Variants in IFT52 observed in about 807,000 individuals in gnomAD.
IFT52 encodes the protein intraflagellar transport protein 52 homolog.
IFT52 carries 44 observed loss-of-function variants against 54.4 expected under a neutral mutation model. The observed-to-expected ratio is 0.81, with a 90% CI of 0.63 to 1.04. The LOEUF (loss-of-function observed/expected upper bound fraction) is 1.04, where lower values mean the gene tolerates loss of function less well. Ranked by LOEUF, IFT52 falls within the 50% of genes least tolerant of loss-of-function variation. IFT52 has a pLI of 0.00. For missense variants in IFT52, 452 were observed against 523.6 expected (o/e 0.86, Z 1.33); for synonymous variants, 181 against 185.3 (o/e 0.98, Z 0.19).
chr20:43,623,881 T>A lies in IFT52; in HGVS notation c.769-10T>A. 21 of 1,613,570 alleles carry A rather than the reference T, an allele frequency of 1.3e-5. No individual in the cohort carries two copies. The highest frequency in any genetic ancestry group is 1.8e-5 in the Non-Finnish European group (21 of 1,179,674). ...TGCTGTGCTAAAAGGAACCCTCTTG[T>A]GGCTTTCAGATTTCTGACTACATGA... On this transcript the variant is annotated splice_polypyrimidine_tract_variant and intron_variant, in intron 9 of 13. Transcript: ENST00000373030.
At position 43,597,140 on chromosome 20, in the gene IFT52, G is replaced by T. The variant is rs1982037538; in HGVS notation, c.207+618G>T. Among the ~76,000 whole-genome samples, 9 of 152,034 alleles carry T rather than the reference G, an allele frequency of 5.9e-5. 1 individual carries two copies. The South Asian group carries it at 1.9e-3, about 32-fold the overall frequency. On this transcript the variant is annotated intron_variant, in intron 3 of 13. Coordinates refer to ENST00000373030, the MANE Select transcript of IFT52 (RefSeq NM_016004.5). ...TAATCCCAACACTTTGGGAGGCCGA[G>T]GCAGGCAGATCACCTGAGGTCGGGA...
intron 8 of IFT52, among the ~76,000 whole-genome samples, chr20:43,619,959 C>G (rs1358675718): frequency 1.4e-5 from 2 of 146,286 alleles, no homozygotes; most frequent in African/African-American, 2.6e-5. Context: ...GTCTGTCACC[C>G]AGGCTGGAGT....
chr20:43,634,942 G>A (rs1387919450), intron 10 of IFT52, among the ~76,000 whole-genome samples: 2 of 151,978 alleles, frequency 1.3e-5, no homozygotes, highest in East Asian at 1.9e-4. Flanking sequence ...AGACTGAGGC[G>A]GGTGGATCAC....
chr20:43,609,399 A>G (rs1450333171), intron 6 of IFT52, among the ~76,000 whole-genome samples: 1 of 152,224 alleles, frequency 6.6e-6, no homozygotes, highest in Non-Finnish European at 1.5e-5. Context: ...AATTCTGGGT[A>G]AACATTTGGA....
rs1985987213 is a variant in IFT52, at chr20:43,642,558, A to G, written c.1200A>G (p.Gln400=). 6.2e-7 allele frequency: 1 copy of G among 1,614,212 alleles called. No individual in the cohort carries two copies. Among genetic ancestry groups the G allele is most frequent in the East Asian group, 2.2e-5 (1 of 44,886 alleles). The change falls in exon 13 of 14, where the codon CAA becomes CAG. Residue 400 remains glutamine, a synonymous_variant. Coordinates refer to ENST00000373030, the MANE Select transcript of IFT52 (RefSeq NM_016004.5). Reference sequence around the variant, plus strand: ...TAACCAGTAAACTACCAAAGGACCAACAGGATGCCAAACATATCCTTGAGC... The same window carrying G: ...TAACCAGTAAACTACCAAAGGACCAGCAGGATGCCAAACATATCCTTGAGC... ...LGVTSKLPKD[Q]QDAKHILEHV... is the part of the protein sequence containing the mutation.
chr20:43,596,825 T>G (rs1982002628), intron 3 of IFT52, among the ~76,000 whole-genome samples: 1 of 132,788 alleles, frequency 7.5e-6, no homozygotes, highest in Non-Finnish European at 1.5e-5. Context: ...CACTGCAACC[T>G]CCACCTCCCG....
At chr20:43,632,071 A>G (rs947616309) in intron 10 of IFT52, among the ~76,000 whole-genome samples, 17 of 151,354 alleles carry the variant, frequency 1.1e-4, no homozygotes, top group African/African-American at 4.1e-4. Flanking sequence ...GATTACAGGC[A>G]TGCACCACCA....
At chr20:43,604,913 C>T in intron 5 of IFT52, 89 bp from the exon 6 acceptor site, 3 of 1,368,488 alleles carry the variant, frequency 2.2e-6, no homozygotes, top group Non-Finnish European at 2.0e-6. Flanking sequence ...AATCCTCCCA[C>T]CTTAGCCTCA....
intron 1 of IFT52, among the ~76,000 whole-genome samples, chr20:43,592,650 A>G (rs1467476692): frequency 6.6e-6 from 1 of 152,080 alleles, no homozygotes; most frequent in Non-Finnish European, 1.5e-5. Flanking sequence ...ATGACAAAAA[A>G]CTCTTCTAAG....
intron 8 of IFT52, among the ~76,000 whole-genome samples, chr20:43,620,211 C>T (rs150116753): frequency 5.3e-4 from 81 of 152,130 alleles, no homozygotes; most frequent in African/African-American, 1.7e-3. Flanking sequence ...CCACCACTCC[C>T]GGCCTAGGTA....
intron 13 of IFT52, among the ~76,000 whole-genome samples, chr20:43,646,117 AG>A (rs760695210): frequency 2.6e-5 from 4 of 151,254 alleles, no homozygotes; most frequent in East Asian, 3.9e-4. Flanking sequence ...AGGCTGGGGC[AG>A]GAGAATGGCA....
chr20:43,621,041 G>A, intron 9 of IFT52, 116 bp downstream of exon 9: 1 of 704,656 alleles, frequency 1.4e-6, no homozygotes, highest in South Asian at 2.0e-5. Flanking sequence ...AAGACAGATG[G>A]AACGAAGGAA....
At chr20:43,629,358 C>T (rs371650214) in intron 10 of IFT52, among the ~76,000 whole-genome samples, 2 of 14,302 alleles carry the variant, frequency 1.4e-4, no homozygotes, top group African/African-American at 2.5e-4. Context: ...CTGCAAGCTC[C>T]GCCTCCCGGG....
chr20:43,616,060 A>T (rs1983835691), intron 7 of IFT52, among the ~76,000 whole-genome samples: 1 of 152,162 alleles, frequency 6.6e-6, no homozygotes, highest in South Asian at 2.1e-4. Context: ...TAATGTGTGT[A>T]TTTATGTCTC....
At chr20:43,596,130 T>C (rs1048612150) in intron 2 of IFT52, among the ~76,000 whole-genome samples, 14 of 152,238 alleles carry the variant, frequency 9.2e-5, no homozygotes, top group Admixed American at 9.2e-4. Flanking sequence ...TAGGTGAGGA[T>C]ATGTAATCAT....
At chr20:43,620,819 C>T in intron 8 of IFT52, 38 bp from the exon 9 acceptor site, 1 of 1,451,942 alleles carries the variant, frequency 6.9e-7, no homozygotes, top group African/African-American at 1.4e-5. Flanking sequence ...TTTCAAATAA[C>T]CAACTGTCCT....
At position 43,647,112 on chromosome 20, in the gene IFT52, C is replaced by A; in HGVS notation, c.*129C>A. The A allele has an allele frequency of 1.3e-6, 1 of 784,482 alleles. No homozygotes were observed. The highest frequency in any genetic ancestry group is 2.2e-6 in the Non-Finnish European group (1 of 452,360). 48.6% of individuals were successfully genotyped at this position (784,482 alleles called of 1,614,324 possible). A position where few individuals can be genotyped will look rare whatever the true frequency, so the allele number is the denominator to read the frequency against. On this transcript the variant is annotated 3_prime_UTR_variant, in exon 14 of 14. Transcript: ENST00000373030. ...CTCCATGAGCTCTGGAAGGTATATG[C>A]ATCTTCTGTAATACTCAGATAGGTA...
rs111279417 is a variant in IFT52, at chr20:43,604,290, A to C, written c.413+32A>C. The C allele has an allele frequency of 1.7e-4, 258 of 1,508,438 alleles. 1 individual carries two copies. The African/African-American group carries it at 2.9e-3, about 17-fold the overall frequency. 93.4% of individuals were successfully genotyped at this position (1,508,438 alleles called of 1,614,324 possible). A position where few individuals can be genotyped will look rare whatever the true frequency, so the allele number is the denominator to read the frequency against. On this transcript the variant is annotated intron_variant, in intron 5 of 13. Coordinates refer to ENST00000373030, the MANE Select transcript of IFT52 (RefSeq NM_016004.5). ...ATGTTGAAAGCAGAAATATCTTGGC[A>C]AGGCATCGTCGCTCACACCTGTAAT...
chr20:43,620,742 C>A, intron 8 of IFT52, 115 bp from the exon 9 acceptor site: 1 of 736,026 alleles, frequency 1.4e-6, no homozygotes, highest in South Asian at 2.0e-5. Context: ...TTTTCTGAAT[C>A]ACTGGTTTAA....
Sources: allele counts gnomAD v4.1 joint callset (sites outside exome capture counted in the v4.1 genomes callset), GRCh38; gene constraint gnomAD v4.1.1; transcripts MANE v1.5; gene names NCBI Gene and HGNC (gene_info 2026-07-23, HGNC 2026-07-21).